Variants in PPM1E observed in about 807,000 individuals in gnomAD.
PPM1E encodes the protein protein phosphatase 1E.
PPM1E carries 20 observed loss-of-function variants against 65.9 expected under a neutral mutation model. That is an observed-to-expected ratio of 0.30 (90% confidence interval 0.21 to 0.44). PPM1E has a LOEUF of 0.44. PPM1E is among the 20% of genes least tolerant of loss of function. PPM1E has a pLI of 1.00. For missense variants in PPM1E, 713 were observed against 953.1 expected, an observed-to-expected ratio of 0.75 and a Z score of 3.32; for synonymous variants, 352 against 374.9, an observed-to-expected ratio of 0.94 and a Z score of 0.70.
At chr17:58,952,511 A>T (rs1195585635) in intron 1 of PPM1E, among the ~76,000 whole-genome samples, 1 of 152,068 alleles carries the variant, frequency 6.6e-6, no homozygotes, top group Non-Finnish European at 1.5e-5. Flanking sequence ...GAGGCTGTTT[A>T]TCAGGCCACA....
At chr17:58,848,526 A>C (rs2050793822) in intron 1 of PPM1E, among the ~76,000 whole-genome samples, 1 of 152,148 alleles carries the variant, frequency 6.6e-6, no homozygotes, top group African/African-American at 2.4e-5. Context: ...ATCTATTGAG[A>C]TAATCATGTG....
At chr17:58,937,892 A>AAAAG (rs1555621157) in intron 1 of PPM1E, among the ~76,000 whole-genome samples, 1,465 of 129,544 alleles carry the variant, frequency 0.011, 76 homozygotes, top group South Asian at 0.02. Context: ...AAAAAAAAAA[A>AAAAG]AAAGAAAGAA....
intron 1 of PPM1E, among the ~76,000 whole-genome samples, chr17:58,876,175 G>T (rs1357705675): frequency 6.6e-6 from 1 of 152,046 alleles, no homozygotes; most frequent in Non-Finnish European, 1.5e-5. Flanking sequence ...TCTGTGATTT[G>T]TAGCATGTTC....
In PPM1E at chr17:58,755,938, C is replaced by G; in HGVS notation, c.-60C>G. 1 of 1,608,374 alleles carries G rather than the reference C, an allele frequency of 6.2e-7. No individual in the cohort carries two copies. The highest frequency in any genetic ancestry group is 8.5e-7 in the Non-Finnish European group (1 of 1,177,218). On this transcript the variant is annotated 5_prime_UTR_variant, in exon 1 of 7. Transcript: ENST00000308249. Reference sequence around the variant, plus strand: ...GGAGCCCTAGGCTCAAAAGCAGCCCCTTACCCTTCCTGGGCTTCCCCCAAC... The same window carrying G: ...GGAGCCCTAGGCTCAAAAGCAGCCCGTTACCCTTCCTGGGCTTCCCCCAAC...
rs547256510 is a variant in PPM1E, at chr17:58,831,211, T to C, written c.464+74750T>C. Among the ~76,000 whole-genome samples, 8 of 151,850 alleles carry C rather than the reference T, an allele frequency of 5.3e-5. No homozygotes were observed. In the South Asian group the frequency reaches 1.7e-3, roughly 32 times the overall value. On this transcript the variant is annotated intron_variant, in intron 1 of 6. Transcript: ENST00000308249. ...ATTTTTAGTAGAGATGGGGTTTCAC[T>C]GTGTTAGCCAGGATGGTCTTGATTT...
At chr17:58,918,822 A>G (rs2143526314) in intron 1 of PPM1E, among the ~76,000 whole-genome samples, 1 of 151,688 alleles carries the variant, frequency 6.6e-6, no homozygotes, top group East Asian at 1.9e-4. Flanking sequence ...AAAAAAAAAA[A>G]AAAAAAAAGC....
intron 1 of PPM1E, among the ~76,000 whole-genome samples, chr17:58,859,907 G>A (rs1326500814): frequency 6.6e-6 from 1 of 152,156 alleles, no homozygotes; most frequent in Non-Finnish European, 1.5e-5. Context: ...TGATTCATCT[G>A]GGATATAGAC....
intron 1 of PPM1E, among the ~76,000 whole-genome samples, chr17:58,799,448 CT>C (rs1315798340): frequency 9.8e-4 from 138 of 140,154 alleles, no homozygotes; most frequent in Admixed American, 2.8e-3. Flanking sequence ...CACTCAGTTA[CT>C]TTTTTTTTTT....
At chr17:58,838,285 A>T (rs1004889415) in intron 1 of PPM1E, among the ~76,000 whole-genome samples, 5 of 152,242 alleles carry the variant, frequency 3.3e-5, no homozygotes, top group African/African-American at 1.2e-4. Flanking sequence ...CACATATCTG[A>T]TAAAGGACTT....
At chr17:58,803,323 T>C (rs9893789) in intron 1 of PPM1E, among the ~76,000 whole-genome samples, 56 of 152,308 alleles carry the variant, frequency 3.7e-4, no homozygotes, top group African/African-American at 1.3e-3. Flanking sequence ...TTCCTGCATC[T>C]CTTGAGGTGA....
At chr17:58,966,165 C>A (rs1426817956) in intron 3 of PPM1E, 1 of 465,168 alleles carries the variant, frequency 2.1e-6, no homozygotes, top group South Asian at 2.1e-5. Context: ...TCCATGGAGG[C>A]AAGGTAGTCT....
chr17:58,807,700 G>A (rs1483795338), intron 1 of PPM1E, among the ~76,000 whole-genome samples: 1 of 152,086 alleles, frequency 6.6e-6, no homozygotes, highest in Non-Finnish European at 1.5e-5. Flanking sequence ...AAATGGATAA[G>A]GAAAAGACAG....
intron 1 of PPM1E, among the ~76,000 whole-genome samples, chr17:58,907,475 A>C (rs1031720004): frequency 1.3e-5 from 2 of 152,108 alleles, no homozygotes; most frequent in East Asian, 3.8e-4. Flanking sequence ...TGTTGGATGA[A>C]GTAGTCTGTA....
chr17:58,920,012 A>G (rs2051732796), intron 1 of PPM1E, among the ~76,000 whole-genome samples: 1 of 152,164 alleles, frequency 6.6e-6, no homozygotes, highest in Admixed American at 6.5e-5. Flanking sequence ...GAAGCATAGT[A>G]ATGATGGTTT....
At chr17:58,815,926 A>T (rs2050410413) in intron 1 of PPM1E, among the ~76,000 whole-genome samples, 1 of 152,180 alleles carries the variant, frequency 6.6e-6, no homozygotes, top group Non-Finnish European at 1.5e-5. Flanking sequence ...ACTATCACGT[A>T]CATTCTACCT....
intron 1 of PPM1E, among the ~76,000 whole-genome samples, chr17:58,934,325 C>T (rs1026804385): frequency 3.3e-5 from 5 of 152,034 alleles, no homozygotes; most frequent in African/African-American, 7.2e-5. Flanking sequence ...TTATGTAAAG[C>T]TATTTACTGA....
chr17:58,777,332 T>C (rs1003330687), intron 1 of PPM1E, among the ~76,000 whole-genome samples: 1 of 152,214 alleles, frequency 6.6e-6, no homozygotes, highest in African/African-American at 2.4e-5. Flanking sequence ...TGAAAAACTT[T>C]ATGAACATTG....
chr17:58,849,658 C>G (rs2050805866), intron 1 of PPM1E, among the ~76,000 whole-genome samples: 3 of 152,070 alleles, frequency 2.0e-5, no homozygotes, highest in Non-Finnish European at 2.9e-5. Context: ...AATTTCTCTT[C>G]TTTTACATTT....
In PPM1E at chr17:58,969,864, G is replaced by T. The variant is rs1259337907; in HGVS notation, c.972+137G>T. 5 of 821,720 alleles carry T rather than the reference G, an allele frequency of 6.1e-6. 1 individual carries two copies. The South Asian group carries it at 9.1e-5, about 15-fold the overall frequency. The allele number at this position is 821,720 out of a possible 1,614,324, so 50.9% of individuals were successfully genotyped here. A position where few individuals can be genotyped will look rare whatever the true frequency, so the allele number is the denominator to read the frequency against. On this transcript the variant is annotated intron_variant, in intron 4 of 6. Coordinates refer to ENST00000308249, the MANE Select transcript of PPM1E (RefSeq NM_014906.5). ...ACTGTATTCTTGACTCACAGTATTG[G>T]ATTCTGTTGTAGTTCCAATTCCCTC...
Sources: gnomAD v4.1 joint callset for allele counts (sites outside exome capture counted in the v4.1 genomes callset) on GRCh38, gnomAD v4.1.1 for gene constraint, MANE v1.5 for transcripts, NCBI Gene and HGNC (gene_info 2026-07-23, HGNC 2026-07-21) for gene names.